UTP15: variants seen among roughly 807,000 people sequenced by gnomAD.
The protein encoded by UTP15 is UTP15 small subunit processome component.
UTP15 carries 5 observed loss-of-function variants against 59.1 expected under a neutral mutation model. The observed-to-expected ratio is 0.08, with a 90% confidence interval of 0.04 to 0.18. UTP15 has a LOEUF of 0.18. Ranked by LOEUF, UTP15 falls within the 10% of genes least tolerant of loss-of-function variation. The pLI is 1.00. For missense variants in UTP15, 494 were observed against 616.7 expected (o/e 0.80, Z 2.11); for synonymous variants, 211 against 212.2 (o/e 0.99, Z 0.05).
At position 73,579,945 on chromosome 5, in the gene UTP15, G is replaced by A; in HGVS notation, c.1408G>A (p.Val470Ile). 6.2e-7 allele frequency: 1 copy of A among 1,613,788 alleles called. No individual in the cohort carries two copies. The highest frequency in any genetic ancestry group is 8.5e-7 in the Non-Finnish European group (1 of 1,179,804). Reference sequence around the variant, plus strand: ...AAAGTTTTTACTACTTCAAGGACTTGTAGAAAAAGAGATTGATTACCAAAG... The same window carrying A: ...AAAGTTTTTACTACTTCAAGGACTTATAGAAAAAGAGATTGATTACCAAAG... ...DKKFLLLQGL[V>I]EKEIDYQREL... Residue 470 changes from valine to isoleucine, a missense_variant, in exon 13 of 13, where the codon GTA becomes ATA. By Grantham distance (29) the Val-to-Ile change is conservative (BLOSUM62 3). Coordinates refer to ENST00000296792, the MANE Select transcript of UTP15 (RefSeq NM_032175.4).
At chr5:73,569,339 C>T (rs2112040360) in intron 4 of UTP15, among the ~76,000 whole-genome samples, 158 bp from the exon 5 acceptor site, 1 of 151,804 alleles carries the variant, frequency 6.6e-6, no homozygotes, top group South Asian at 2.1e-4. Context: ...GGGGCAAACA[C>T]TTGTAAGTTT....
rs773101524 is a variant in UTP15 at position 73,577,844 on chromosome 5, A to T, written c.895-12A>T. The T allele has an allele frequency of 2.5e-6, 4 of 1,570,930 alleles. No homozygotes were observed. Among genetic ancestry groups the T allele is most frequent in the African/African-American group, 1.4e-5 (1 of 71,568 alleles). On this transcript the variant is annotated splice_polypyrimidine_tract_variant and intron_variant, in intron 8 of 12. Transcript: ENST00000296792. The stretch of plus-strand genomic sequence containing the variant: ...TAAGAATAGACTAACTTATTTTTCT[A>T]ATTGTTATTAGCATGAAGATGAGAC...
intron 6 of UTP15, 151 bp from the exon 7 acceptor site, chr5:73,572,338 G>C: frequency 1.2e-6 from 1 of 829,828 alleles, no homozygotes; most frequent in Non-Finnish European, 1.9e-6. Flanking sequence ...CCAGGAAGTG[G>C]TGCATCCAGG....
chr5:73,575,194 T>C (rs1448208352), intron 7 of UTP15, among the ~76,000 whole-genome samples: 1 of 152,222 alleles, frequency 6.6e-6, no homozygotes, highest in Non-Finnish European at 1.5e-5. Context: ...ACAAAGGAAT[T>C]TTTTATGTAA....
chr5:73,580,076 T>G lies in UTP15; in HGVS notation c.1539T>G (p.Asn513Lys). Residue 513 changes from asparagine (N) to lysine (K), a missense_variant, in exon 13 of 13, where the codon AAT becomes AAG. By Grantham distance (94) the Asn-to-Lys change is moderately conservative. Transcript: ENST00000296792. ...LEHTSDGFPE[N>K]KKIES Reference sequence around the variant, plus strand: ...ACACATCTGATGGATTTCCAGAGAATAAGAAGATAGAATCATAGTGTCTGC... The same window carrying G: ...ACACATCTGATGGATTTCCAGAGAAGAAGAAGATAGAATCATAGTGTCTGC... 1.9e-6 allele frequency: 3 copies of G among 1,613,410 alleles called. No homozygotes were observed. The highest frequency in any genetic ancestry group is 2.2e-5 in the South Asian group (2 of 91,014).
At chr5:73,569,465 G>C in intron 4 of UTP15, 32 bp from the exon 5 acceptor site, 1 of 1,425,226 alleles carries the variant, frequency 7.0e-7, no homozygotes, top group Non-Finnish European at 9.3e-7. Flanking sequence ...TAATTTTCTT[G>C]CTTTTTAATA....
At position 73,582,090 on chromosome 5, in the gene UTP15, T is replaced by G. The variant is rs758159468; in HGVS notation, c.*1996T>G. On this transcript the variant is annotated 3_prime_UTR_variant, in exon 13 of 13. Transcript: ENST00000296792. ...GTAACATGTGACAAAGGTTTTCCCATATGTCATTTCATTTGATTCTCACCA... is the reference window on the plus strand; with the variant it reads ...GTAACATGTGACAAAGGTTTTCCCAGATGTCATTTCATTTGATTCTCACCA... The G allele has an allele frequency of 6.6e-6, 1 of 152,232 alleles. No individual in the cohort carries two copies. The highest frequency in any genetic ancestry group is 1.5e-5 in the Non-Finnish European group (1 of 68,038). The allele number at this position is 152,232 out of a possible 1,614,324, so 9.4% of individuals were successfully genotyped here.
chr5:73,577,722 A>T, intron 8 of UTP15, 134 bp from the exon 9 acceptor site: 2 of 725,642 alleles, frequency 2.8e-6, no homozygotes, highest in South Asian at 4.0e-5. Context: ...CGTTAGGCAG[A>T]CTATGTGTAT....
Position 73,579,956 on chromosome 5 carries a change from G to A in UTP15, c.1419G>A (p.Glu473=). The change falls in exon 13 of 13, where the codon GAG becomes GAA. Residue 473 remains glutamate (E), a synonymous_variant. Coordinates refer to ENST00000296792, the MANE Select transcript of UTP15 (RefSeq NM_032175.4). ...FLLLQGLVEK[E]IDYQRELLET... ...TACTTCAAGGACTTGTAGAAAAAGA[G>A]ATTGATTACCAAAGAGAATTGTTAG... The A allele has an allele frequency of 1.2e-6, 2 of 1,613,856 alleles. No individual in the cohort carries two copies. Among genetic ancestry groups the A allele is most frequent in the Non-Finnish European group, 1.7e-6 (2 of 1,179,842 alleles).
At chr5:73,570,564 A>C (rs767782139) in intron 5 of UTP15, 22 bp from the exon 6 acceptor site, 1 of 1,611,046 alleles carries the variant, frequency 6.2e-7, no homozygotes, top group South Asian at 1.1e-5. Flanking sequence ...TCAAACTAAA[A>C]ATTCAAAAAT....
chr5:73,580,780 C>G lies in UTP15; in HGVS notation c.*686C>G, dbSNP rs930388233. ...TACTTTTTTTTTTTTCTTCATGCAG[C>G]CTTTCTACCAAGTTTTCACCTTGTT... On this transcript the variant is annotated 3_prime_UTR_variant, in exon 13 of 13. Transcript: ENST00000296792. The G allele has an allele frequency of 2.0e-5, 3 of 151,858 alleles. No homozygotes were observed. The highest frequency in any genetic ancestry group is 1.9e-4 in the East Asian group (1 of 5,186). 9.4% of individuals were successfully genotyped at this position (151,858 alleles called of 1,614,324 possible).
At chr5:73,566,885 A>G (rs916927742) in intron 1 of UTP15, among the ~76,000 whole-genome samples, 2 of 152,244 alleles carry the variant, frequency 1.3e-5, no homozygotes, top group African/African-American at 4.8e-5. Context: ...ATTAAATGTC[A>G]TCTTAAACTT....
In UTP15 at chr5:73,577,980, A is replaced by G. The variant is rs1748151607; in HGVS notation, c.1019A>G (p.Lys340Arg). 1.3e-6 allele frequency: 2 copies of G among 1,580,128 alleles called. No homozygotes were observed. Among genetic ancestry groups the G allele is most frequent in the African/African-American group, 2.8e-5 (2 of 72,006 alleles). ...AGGCCTGCATATCGAACCTTTATTAAAGGAAAAAATTACATGAAGCAACGG... is the reference window on the plus strand; with the variant it reads ...AGGCCTGCATATCGAACCTTTATTAGAGGAAAAAATTACATGAAGCAACGG... ...RRRPAYRTFI[K>R]GKNYMKQRDD... The change falls in exon 9 of 13, where the codon AAA becomes AGA. Residue 340 changes from lysine (K) to arginine (R), a missense_variant. Coordinates refer to ENST00000296792, the MANE Select transcript of UTP15 (RefSeq NM_032175.4).
At chr5:73,578,937 A>C (rs1370523972) in intron 10 of UTP15, 80 bp from the exon 11 acceptor site, 11 of 1,599,372 alleles carry the variant, frequency 6.9e-6, no homozygotes, top group African/African-American at 4.0e-5. Flanking sequence ...AATATTATTC[A>C]AACTTGATAA....
In UTP15 at chr5:73,583,206, C is replaced by G. The variant is rs1156980664; in HGVS notation, c.*3112C>G. On this transcript the variant is annotated 3_prime_UTR_variant, in exon 13 of 13. Transcript: ENST00000296792. ...GTGGTACAACTGACTCAACCCTTCT[C>G]TAAGCAGGGATTTGTAATTGGGATT... is the stretch of plus-strand genomic sequence containing the variant. The G allele has an allele frequency of 6.6e-6, 1 of 152,162 alleles. No individual in the cohort carries two copies. The allele number at this position is 152,162 out of a possible 1,614,324, so 9.4% of individuals were successfully genotyped here.
chr5:73,580,494 A>T lies in UTP15; in HGVS notation c.*400A>T, dbSNP rs1748268794. The T allele has an allele frequency of 6.5e-6, 1 of 154,080 alleles. No individual in the cohort carries two copies. Among genetic ancestry groups the T allele is most frequent in the South Asian group, 2.0e-4 (1 of 4,930 alleles). 9.5% of individuals were successfully genotyped at this position (154,080 alleles called of 1,614,324 possible). A position where few individuals can be genotyped will look rare whatever the true frequency, so the allele number is the denominator to read the frequency against. On this transcript the variant is annotated 3_prime_UTR_variant, in exon 13 of 13. Transcript: ENST00000296792. ...CAAAGCCTTGTATTACCTCTGGAAGACAACAAAAACAATTGGCAACAACAA... is the reference window on the plus strand; with the variant it reads ...CAAAGCCTTGTATTACCTCTGGAAGTCAACAAAAACAATTGGCAACAACAA...
intron 6 of UTP15, among the ~76,000 whole-genome samples, chr5:73,571,383 T>G (rs1354897781): frequency 2.6e-5 from 4 of 151,978 alleles, no homozygotes; most frequent in Non-Finnish European, 2.9e-5. Context: ...GGTACATTTT[T>G]CAACAAGTTG....
Position 73,581,575 on chromosome 5 carries a change from T to C in UTP15, c.*1481T>C, listed in dbSNP as rs925442176. The C allele has an allele frequency of 1.3e-5, 2 of 152,104 alleles. No homozygotes were observed. Among genetic ancestry groups the C allele is most frequent in the African/African-American group, 4.8e-5 (2 of 41,426 alleles). 9.4% of individuals were successfully genotyped at this position (152,104 alleles called of 1,614,324 possible). ...ATAGAGGAAGATTTTGTAATGCGAA[T>C]CTCCTCTCATAATTTTAGTTCTGTA... On this transcript the variant is annotated 3_prime_UTR_variant, in exon 13 of 13. Transcript: ENST00000296792.
intron 11 of UTP15, 66 bp from the exon 12 acceptor site, chr5:73,579,251 A>G: frequency 2.5e-6 from 4 of 1,594,706 alleles, no homozygotes; most frequent in Non-Finnish European, 3.4e-6. Flanking sequence ...CTGATGAAAC[A>G]AATCTGTTTT....
Sources: gnomAD v4.1 joint callset for allele counts (sites outside exome capture counted in the v4.1 genomes callset) on GRCh38, gnomAD v4.1.1 for gene constraint, MANE v1.5 for transcripts, NCBI Gene and HGNC (gene_info 2026-07-23, HGNC 2026-07-21) for gene names.